The following PCDHA3 variants were observed in gnomAD, a reference collection of about 807,000 sequenced individuals.
PCDHA3 encodes the protein protocadherin alpha 3.
In PCDHA3, 41 loss-of-function variants were observed where a neutral mutation model predicts 62.2. The observed-to-expected ratio is 0.66, with a 90% CI of 0.51 to 0.86. PCDHA3 has a LOEUF of 0.86. PCDHA3 is among the 40% of genes least tolerant of loss of function. The pLI is 0.00. For missense variants in PCDHA3, 1,304 were observed against 1,241.2 expected, an observed-to-expected ratio of 1.05 and a Z score of -0.76; for synonymous variants, 640 against 555.4, an observed-to-expected ratio of 1.15 and a Z score of -2.14.
chr5:140,841,492 G>T, intron 1 of PCDHA3: 1 of 1,613,200 alleles, frequency 6.2e-7, no homozygotes. Flanking sequence ...TGGAGCTGGC[G>T]GAGCTGGTGC....
chr5:140,855,039 TG>T lies in PCDHA3; in HGVS notation c.2394+51449del, dbSNP rs1451069015. ...AAACTTCTTGTATAAAGGATTTTTC[TG>T]TAATAGTACTTTTCTGTTTTCTTAA... On this transcript the variant is annotated intron_variant, in intron 1 of 3. Transcript: ENST00000522353. Among the ~76,000 whole-genome samples, 12 of 150,016 alleles carry T rather than the reference TG, an allele frequency of 8.0e-5. 1 individual carries two copies. Among genetic ancestry groups the T allele is most frequent in the African/African-American group, 2.9e-4 (12 of 40,938 alleles).
At chr5:140,886,330 T>C (rs1403720039) in intron 1 of PCDHA3, among the ~76,000 whole-genome samples, 1 of 152,192 alleles carries the variant, frequency 6.6e-6, no homozygotes, top group Admixed American at 6.5e-5. Context: ...CTGGGATACA[T>C]GTGCAGAACG....
chr5:140,843,105 G>A (rs2150352626), intron 1 of PCDHA3: 1 of 1,595,772 alleles, frequency 6.3e-7, no homozygotes, highest in South Asian at 1.1e-5. Flanking sequence ...GCGAAGGTGC[G>A]CGCAGTGGAC....
chr5:140,940,643 T>A (rs2092660320), intron 1 of PCDHA3, among the ~76,000 whole-genome samples: 1 of 152,226 alleles, frequency 6.6e-6, no homozygotes, highest in Non-Finnish European at 1.5e-5. Flanking sequence ...TGTCATTTAT[T>A]TATTTAAATA....
intron 1 of PCDHA3, among the ~76,000 whole-genome samples, chr5:140,881,833 A>G (rs1371458560): frequency 6.6e-6 from 1 of 152,252 alleles, no homozygotes; most frequent in Non-Finnish European, 1.5e-5. Flanking sequence ...AAAGTTCTGC[A>G]TGGAATTCTT....
intron 3 of PCDHA3, among the ~76,000 whole-genome samples, chr5:140,984,886 C>A (rs1254649508): frequency 1.3e-5 from 2 of 151,720 alleles, no homozygotes; most frequent in Non-Finnish European, 2.9e-5. Context: ...ACCATGAGAA[C>A]TAAAGGAGAA....
chr5:140,869,883 T>G, intron 1 of PCDHA3: 1 of 1,610,444 alleles, frequency 6.2e-7, no homozygotes, highest in Admixed American at 1.7e-5. Context: ...AAGAAACTCT[T>G]GTGCTCAAAC....
chr5:140,952,832 G>A (rs560488815), intron 1 of PCDHA3, among the ~76,000 whole-genome samples: 1 of 152,226 alleles, frequency 6.6e-6, no homozygotes, highest in African/African-American at 2.4e-5. Context: ...GCATGATGCT[G>A]GCCATCTGCT....
In PCDHA3 at chr5:140,801,122, T is replaced by G; in HGVS notation, c.-76T>G. 1 of 1,517,142 alleles carries G rather than the reference T, an allele frequency of 6.6e-7. No homozygotes were observed. Among genetic ancestry groups the G allele is most frequent in the Non-Finnish European group, 8.8e-7 (1 of 1,137,326 alleles). The allele number at this position is 1,517,142 out of a possible 1,614,324, so 94.0% of individuals were successfully genotyped here. On this transcript the variant is annotated 5_prime_UTR_variant, in exon 1 of 4. It removes an upstream start codon present in the reference 5' UTR. Transcript: ENST00000522353. ...ATTTAACACCGAGGAGTTTAAGAAA[T>G]GAAGATAAGGAACTCGAATTATTTT... is the stretch of plus-strand genomic sequence containing the variant.
In PCDHA3 at chr5:140,822,327, T is replaced by G. The variant is rs1006404493; in HGVS notation, c.2394+18736T>G. 24 of 1,613,994 alleles carry G rather than the reference T, an allele frequency of 1.5e-5. 1 individual carries two copies. In the East Asian group the frequency reaches 4.0e-4, roughly 27 times the overall value. On this transcript the variant is annotated intron_variant, in intron 1 of 3. Transcript: ENST00000522353. ...ATTTTGACTTAGATGTTAAAACAAA[T>G]GAAGAAGAAACGAACTTTTTAGAGC... is the stretch of plus-strand genomic sequence containing the variant.
At chr5:140,922,430 A>G (rs574413053) in intron 1 of PCDHA3, among the ~76,000 whole-genome samples, 6 of 152,246 alleles carry the variant, frequency 3.9e-5, no homozygotes, top group Non-Finnish European at 7.3e-5. Context: ...GGCTGAGGGC[A>G]GAACTCTCTC....
At chr5:140,869,892 A>C in intron 1 of PCDHA3, 2 of 1,610,608 alleles carry the variant, frequency 1.2e-6, no homozygotes, top group Non-Finnish European at 1.7e-6. Context: ...TTGTGCTCAA[A>C]CTAAACGCCA....
chr5:140,975,848 T>C (rs1345383470), intron 1 of PCDHA3, among the ~76,000 whole-genome samples: 1 of 152,234 alleles, frequency 6.6e-6, no homozygotes, highest in Non-Finnish European at 1.5e-5. Flanking sequence ...TCAGTAATAC[T>C]ACATCACCCA....
At chr5:140,891,424 G>A (rs932574419) in intron 1 of PCDHA3, among the ~76,000 whole-genome samples, 1 of 146,144 alleles carries the variant, frequency 6.8e-6, no homozygotes, top group Non-Finnish European at 1.5e-5. Context: ...TTGCCCCCAA[G>A]TCCCCAACGT....
intron 1 of PCDHA3, among the ~76,000 whole-genome samples, chr5:140,895,983 G>A (rs1186137755): frequency 1.3e-5 from 2 of 151,942 alleles, no homozygotes; most frequent in Non-Finnish European, 2.9e-5. Context: ...GCTAATTTTT[G>A]TATTTTAAGT....
chr5:140,823,811 C>T, intron 1 of PCDHA3: 4 of 1,613,820 alleles, frequency 2.5e-6, no homozygotes, highest in South Asian at 1.1e-5. Context: ...AAGGCCTCAT[C>T]GCGGGCGTCG....
intron 1 of PCDHA3, among the ~76,000 whole-genome samples, chr5:140,831,520 CTTTTT>C (rs2150195630): frequency 0.11 from 13,870 of 122,344 alleles, 1,092 homozygotes; most frequent in African/African-American, 0.22. Flanking sequence ...TGCCCCCCAC[CTTTTT>C]TTTTTTTTTT....
chr5:140,966,501 C>A (rs993120522), intron 1 of PCDHA3: 8 of 436,558 alleles, frequency 1.8e-5, no homozygotes, highest in Admixed American at 8.7e-5. Flanking sequence ...GGAGCTGTAG[C>A]GGCAGCAGCA....
chr5:140,979,306 C>T (rs1554240481), intron 2 of PCDHA3, among the ~76,000 whole-genome samples: 1 of 152,206 alleles, frequency 6.6e-6, no homozygotes, highest in African/African-American at 2.4e-5. Context: ...CTTCATCCCT[C>T]TCTACCTATG....
Sources: gnomAD v4.1 joint callset for allele counts (sites outside exome capture counted in the v4.1 genomes callset) on GRCh38, gnomAD v4.1.1 for gene constraint, MANE v1.5 for transcripts, NCBI Gene and HGNC (gene_info 2026-07-23, HGNC 2026-07-21) for gene names.